Variants in SLC39A11 observed in about 807,000 individuals in gnomAD.
SLC39A11 encodes the protein solute carrier family 39 member 11.
A neutral mutation model predicts 36.1 loss-of-function variants in SLC39A11; 33 were observed. That is an observed-to-expected ratio of 0.91 (90% confidence interval 0.69 to 1.22). SLC39A11 has a LOEUF of 1.22. SLC39A11 is among the 50% of genes most tolerant of loss of function. SLC39A11 has a pLI of 0.00. For synonymous variants in SLC39A11, 166 were observed against 170.3 expected, an observed-to-expected ratio of 0.97 and a Z score of 0.20; for missense variants, 432 against 430.3, an observed-to-expected ratio of 1.00 and a Z score of -0.03.
At chr17:73,088,506 T>C (rs2144903261) in intron 2 of SLC39A11, 151 bp downstream of exon 2, 1 of 606,250 alleles carries the variant, frequency 1.6e-6, no homozygotes, top group East Asian at 2.9e-5. Context: ...GGTGAGAAAA[T>C]AAGAAGACAG....
rs536008526 is a variant in SLC39A11 at position 72,768,069 on chromosome 17, CT to C, written c.602-31351del. ...AAGGCTGTCCTCTTAAGCTGAGTTG[CT>C]CCCTGGTGGGGGCCACAGGAGCTAT... On this transcript the variant is annotated intron_variant, in intron 6 of 9. Coordinates refer to ENST00000255559, the MANE Select transcript of SLC39A11 (RefSeq NM_139177.4). Among the ~76,000 whole-genome samples the C allele has an allele frequency of 1.4e-4, 22 of 152,240 alleles. 1 individual carries two copies. The East Asian group carries it at 3.7e-3, about 25-fold the overall frequency.
At chr17:72,850,028 G>T (rs1237558366) in intron 5 of SLC39A11, among the ~76,000 whole-genome samples, 1 of 151,380 alleles carries the variant, frequency 6.6e-6, no homozygotes, top group Non-Finnish European at 1.5e-5. Context: ...CAAGTAGCTG[G>T]GACTGCCATC....
intron 4 of SLC39A11, among the ~76,000 whole-genome samples, chr17:72,967,218 C>T (rs1374081625): frequency 1.3e-5 from 2 of 152,188 alleles, no homozygotes; most frequent in East Asian, 1.9e-4. Context: ...CATCCCACAA[C>T]CATCCATCCC....
chr17:72,753,110 G>A (rs769327649), intron 6 of SLC39A11, among the ~76,000 whole-genome samples: 8 of 151,988 alleles, frequency 5.3e-5, no homozygotes, highest in African/African-American at 7.3e-5. Flanking sequence ...CTCCAACCTC[G>A]GTCTCCCAAA....
At chr17:72,827,464 G>C (rs551301481) in intron 6 of SLC39A11, among the ~76,000 whole-genome samples, 8 of 152,260 alleles carry the variant, frequency 5.3e-5, no homozygotes, top group Non-Finnish European at 1.2e-4. Context: ...TCATTAAACT[G>C]TACACTTCAA....
chr17:72,813,791 G>A lies in SLC39A11; in HGVS notation c.601+35843C>T, dbSNP rs138992302. Among the ~76,000 whole-genome samples, 191 of 152,286 alleles carry A rather than the reference G, an allele frequency of 1.3e-3. 2 individuals are homozygous for A. The East Asian group carries it at 0.031, about 25-fold the overall frequency. On this transcript the variant is annotated intron_variant, in intron 6 of 9. Coordinates refer to ENST00000255559, the MANE Select transcript of SLC39A11 (RefSeq NM_139177.4). The stretch of plus-strand genomic sequence containing the variant: ...AATATTACCCTCAAAAGAGTAAAAC[G>A]CCTTTAGTTAAGGCAGGATGGGGCA...
intron 4 of SLC39A11, among the ~76,000 whole-genome samples, chr17:73,030,951 C>A (rs1198522157): frequency 6.6e-6 from 1 of 152,214 alleles, no homozygotes; most frequent in African/African-American, 2.4e-5. Flanking sequence ...AGCCTGAAAT[C>A]TCTGGCTTAT....
intron 6 of SLC39A11, among the ~76,000 whole-genome samples, chr17:72,764,465 T>C (rs1598625065): frequency 1.3e-5 from 2 of 152,172 alleles, no homozygotes; most frequent in Non-Finnish European, 1.5e-5. Flanking sequence ...CCATGGTGGG[T>C]AACTGTAGGA....
intron 7 of SLC39A11, among the ~76,000 whole-genome samples, chr17:72,720,104 C>T (rs943599120): frequency 5.3e-5 from 8 of 152,098 alleles, no homozygotes; most frequent in African/African-American, 1.7e-4. Flanking sequence ...TTCTGGGTCC[C>T]GTGCAGAGCA....
At chr17:72,963,593 T>TA (rs2086779943) in intron 4 of SLC39A11, among the ~76,000 whole-genome samples, 2 of 152,214 alleles carry the variant, frequency 1.3e-5, no homozygotes, top group African/African-American at 4.8e-5. Flanking sequence ...AATGTACCCT[T>TA]AGGAAACTAA....
chr17:72,649,785 G>A (rs569560021), intron 7 of SLC39A11, among the ~76,000 whole-genome samples: 1 of 152,114 alleles, frequency 6.6e-6, no homozygotes, highest in East Asian at 1.9e-4. Flanking sequence ...TAGAGATGGG[G>A]TTTTACCATG....
chr17:72,971,336 A>ACTCTCT (rs369016332), intron 4 of SLC39A11, among the ~76,000 whole-genome samples: 13 of 143,498 alleles, frequency 9.1e-5, no homozygotes, highest in Admixed American at 2.1e-4. Flanking sequence ...ACACACACAC[A>ACTCTCT]CTCTCTCTCT....
intron 5 of SLC39A11, among the ~76,000 whole-genome samples, chr17:72,944,096 T>G (rs1439969378): frequency 6.6e-6 from 1 of 152,100 alleles, no homozygotes; most frequent in Non-Finnish European, 1.5e-5. Context: ...AGATCACACC[T>G]CATTACTTAT....
intron 3 of SLC39A11, among the ~76,000 whole-genome samples, chr17:73,056,585 C>T (rs9902923): frequency 0.83 from 125,793 of 152,080 alleles, 52,348 homozygotes; most frequent in East Asian, 0.94. Context: ...TGGCAAGTCA[C>T]TGGCAAAAGT....
At chr17:72,895,110 G>A (rs1254412019) in intron 5 of SLC39A11, among the ~76,000 whole-genome samples, 2 of 151,624 alleles carry the variant, frequency 1.3e-5, no homozygotes, top group East Asian at 1.9e-4. Flanking sequence ...GGTGCTAGTC[G>A]CATTGGTGGG....
chr17:72,782,573 C>T (rs34350822), intron 6 of SLC39A11, among the ~76,000 whole-genome samples: 4 of 150,998 alleles, frequency 2.6e-5, no homozygotes, highest in Non-Finnish European at 4.4e-5. Flanking sequence ...GTTATAATCC[C>T]GGTTACTTGG....
At chr17:72,689,415 C>T (rs992342590) in intron 7 of SLC39A11, among the ~76,000 whole-genome samples, 4 of 117,060 alleles carry the variant, frequency 3.4e-5, no homozygotes, top group African/African-American at 1.2e-4. Context: ...ACAGAATTAC[C>T]ATATAAGTCA....
chr17:72,715,963 T>C (rs1293648367), intron 7 of SLC39A11, among the ~76,000 whole-genome samples: 1 of 152,054 alleles, frequency 6.6e-6, no homozygotes, highest in East Asian at 1.9e-4. Flanking sequence ...TCCCAAAGTG[T>C]TGGGATTACA....
At position 73,040,187 on chromosome 17, in the gene SLC39A11, C is replaced by T. The variant is rs77534661; in HGVS notation, c.148-8473G>A. On this transcript the variant is annotated intron_variant, in intron 3 of 9. Transcript: ENST00000255559. ...ATAATCCTGTTAAATACTTGCTTCA[C>T]AAAGATAAATCAAACCTCACAAACT... 2.5e-3 allele frequency among the ~76,000 whole-genome samples: 375 copies of T among 152,294 alleles called. 5 individuals are homozygous for T. The South Asian group carries it at 0.028, about 12-fold the overall frequency.
Sources: gnomAD v4.1 joint callset for allele counts (sites outside exome capture counted in the v4.1 genomes callset) on GRCh38, gnomAD v4.1.1 for gene constraint, MANE v1.5 for transcripts, NCBI Gene and HGNC (gene_info 2026-07-23, HGNC 2026-07-21) for gene names.